Variants in TCEANC2 observed in about 807,000 individuals in gnomAD.
The protein encoded by TCEANC2 is transcription elongation factor A N-terminal and central domain containing 2.
TCEANC2 carries 20 observed loss-of-function variants against 22.8 expected under a neutral mutation model. That is an observed-to-expected ratio of 0.88 (90% confidence interval 0.62 to 1.28). TCEANC2 has a LOEUF of 1.28. Ranked by LOEUF, TCEANC2 falls within the 50% of genes most tolerant of loss-of-function variation. TCEANC2 has a pLI of 0.00. For synonymous variants in TCEANC2, 84 were observed against 95.5 expected (o/e 0.88, Z 0.70); for missense variants, 251 against 249.7 (o/e 1.01, Z -0.03).
intron 3 of TCEANC2, among the ~76,000 whole-genome samples, chr1:54,072,877 T>G (rs1658083811): frequency 6.6e-6 from 1 of 152,380 alleles, no homozygotes; most frequent in African/African-American, 2.4e-5. Flanking sequence ...AAATCTGTTA[T>G]TTATTGTTTC....
chr1:54,056,294 A>ATTCTT (rs199706594), intron 2 of TCEANC2, among the ~76,000 whole-genome samples: 93 of 151,460 alleles, frequency 6.1e-4, no homozygotes, highest in South Asian at 1.5e-3. Flanking sequence ...AAACACCCAT[A>ATTCTT]TTCTTTTCTT....
chr1:54,068,371 A>T (rs1414462358), intron 2 of TCEANC2, among the ~76,000 whole-genome samples: 2 of 152,240 alleles, frequency 1.3e-5, no homozygotes, highest in Non-Finnish European at 2.9e-5. Context: ...GATTGTTGAC[A>T]TAAACATGTC....
chr1:54,095,559 G>A (rs1658529215), intron 4 of TCEANC2, among the ~76,000 whole-genome samples: 1 of 152,176 alleles, frequency 6.6e-6, no homozygotes, highest in African/African-American at 2.4e-5. Context: ...CCTCAAGATG[G>A]CTTGGGCCTG....
At chr1:54,077,576 T>G (rs1570008854) in intron 3 of TCEANC2, among the ~76,000 whole-genome samples, 1 of 152,330 alleles carries the variant, frequency 6.6e-6, no homozygotes, top group East Asian at 1.9e-4. Flanking sequence ...TTTTAAACTG[T>G]TTGTTACCTT....
In TCEANC2 at chr1:54,102,967, G is replaced by A. The variant is rs1020753367; in HGVS notation, c.*6494G>A. The A allele has an allele frequency of 1.3e-5, 2 of 152,458 alleles. No individual in the cohort carries two copies. The highest frequency in any genetic ancestry group is 4.8e-5 in the African/African-American group (2 of 41,464). 9.4% of individuals were successfully genotyped at this position (152,458 alleles called of 1,614,324 possible). ...ATGGATCTCATGGGCAGTGGTGAATGGCTTGGCTGGTTGGTAAGGGGTCTG... is the reference window on the plus strand; with the variant it reads ...ATGGATCTCATGGGCAGTGGTGAATAGCTTGGCTGGTTGGTAAGGGGTCTG... On this transcript the variant is annotated 3_prime_UTR_variant, in exon 5 of 5. Transcript: ENST00000234827.
chr1:54,107,414 C>A (rs1379523825), downstream of TCEANC2, among the ~76,000 whole-genome samples: 1 of 152,054 alleles, frequency 6.6e-6, no homozygotes, highest in Non-Finnish European at 1.5e-5. Flanking sequence ...TTAGTTTTTG[C>A]CAGATTTTCC....
At chr1:54,084,125 G>T (rs1365292763) in intron 3 of TCEANC2, among the ~76,000 whole-genome samples, 1 of 151,784 alleles carries the variant, frequency 6.6e-6, no homozygotes. Context: ...CGATTCTCAT[G>T]CCTCAGCCTC....
chr1:54,109,003 G>C (rs59739781), downstream of TCEANC2, among the ~76,000 whole-genome samples: 21,455 of 151,954 alleles, frequency 0.14, 3,416 homozygotes, highest in African/African-American at 0.39. Context: ...CTGAATACCT[G>C]CCTCCTCTAT....
chr1:54,054,392 A>C lies in TCEANC2; in HGVS notation c.-31A>C, dbSNP rs1172019965. ...TCTTTCTTGACCAGAACACGCTGCA[A>C]GCACGTCAAGGTAGTCGGAGTCCCC... is the stretch of plus-strand genomic sequence containing the variant. On this transcript the variant is annotated 5_prime_UTR_variant, in exon 2 of 5. Coordinates refer to ENST00000234827, the MANE Select transcript of TCEANC2 (RefSeq NM_153035.3). 2 of 1,613,582 alleles carry C rather than the reference A, an allele frequency of 1.2e-6. No individual in the cohort carries two copies. The highest frequency in any genetic ancestry group is 1.7e-6 in the Non-Finnish European group (2 of 1,179,768).
intron 4 of TCEANC2, among the ~76,000 whole-genome samples, chr1:54,093,746 T>C (rs1658489705): frequency 6.6e-6 from 1 of 151,996 alleles, no homozygotes; most frequent in Non-Finnish European, 1.5e-5. Context: ...TTTTTTTTTT[T>C]TTTAATACAG....
rs907553492 is a variant in TCEANC2 at position 54,101,504 on chromosome 1, C to A, written c.*5031C>A. ...GGTTTTTAATGTTGATAAAATCATT[C>A]TTTCAATACATATTTGTTGAGTTCT... On this transcript the variant is annotated 3_prime_UTR_variant, in exon 5 of 5. Coordinates refer to ENST00000234827, the MANE Select transcript of TCEANC2 (RefSeq NM_153035.3). 1.3e-5 allele frequency: 2 copies of A among 152,266 alleles called. No homozygotes were observed. The highest frequency in any genetic ancestry group is 3.9e-4 in the East Asian group (2 of 5,190). 9.4% of individuals were successfully genotyped at this position (152,266 alleles called of 1,614,324 possible). A position where few individuals can be genotyped will look rare whatever the true frequency, so the allele number is the denominator to read the frequency against.
intron 2 of TCEANC2, among the ~76,000 whole-genome samples, chr1:54,059,878 A>G (rs2100354382): frequency 6.6e-6 from 1 of 152,388 alleles, no homozygotes; most frequent in South Asian, 2.1e-4. Context: ...TATGCCCAGC[A>G]CAATGCTAAG....
At chr1:54,108,967 G>A (rs998540163), downstream of TCEANC2, among the ~76,000 whole-genome samples, 20 of 151,612 alleles carry the variant, frequency 1.3e-4, no homozygotes, top group Admixed American at 7.9e-4. Flanking sequence ...GCAAGACTCC[G>A]TCCCAAAAAA....
Position 54,096,168 on chromosome 1 carries a change from G to A in TCEANC2, c.439-117G>A. 1 of 1,398,010 alleles carries A rather than the reference G, an allele frequency of 7.2e-7. No individual in the cohort carries two copies. The highest frequency in any genetic ancestry group is 9.5e-7 in the Non-Finnish European group (1 of 1,055,346). The allele number at this position is 1,398,010 out of a possible 1,614,324, so 86.6% of individuals were successfully genotyped here. On this transcript the variant is annotated intron_variant, in intron 4 of 4. Coordinates refer to ENST00000234827, the MANE Select transcript of TCEANC2 (RefSeq NM_153035.3). This position sits in a 1 kb window ranked among gnomAD's most constrained non-coding sequence, Gnocchi z 4.9. ...CCTGTTTCTCTTGTGACAGGAAGTA[G>A]ATGTCCTTGAATTTCAGTTGATTAA...
rs368488008 is a variant in TCEANC2 at position 54,096,443 on chromosome 1, C to T, written c.597C>T (p.Val199=). The T allele has an allele frequency of 3.1e-6, 5 of 1,612,184 alleles. No homozygotes were observed. The highest frequency in any genetic ancestry group is 4.5e-5 in the East Asian group (2 of 44,814). Residue 199 remains valine (V), a synonymous_variant, in exon 5 of 5, where the codon GTC becomes GTT. Transcript: ENST00000234827. The surrounding 1 kb of genome is among the most constrained non-coding windows in gnomAD (Gnocchi z 4.9). The part of the protein sequence containing the change: ...RAQVKSGSLP[V]GTFVQTHKK ...AGGTGAAGAGCGGCTCGCTGCCAGTCGGCACGTTTGTACAGACCCACAAAA... is the reference window on the plus strand; with the variant it reads ...AGGTGAAGAGCGGCTCGCTGCCAGTTGGCACGTTTGTACAGACCCACAAAA...
At chr1:54,057,133 G>A (rs1557685200) in intron 2 of TCEANC2, among the ~76,000 whole-genome samples, 1 of 150,880 alleles carries the variant, frequency 6.6e-6, no homozygotes, top group East Asian at 1.9e-4. Context: ...TTGTTCTCCT[G>A]TATTAATGTA....
intron 3 of TCEANC2, among the ~76,000 whole-genome samples, chr1:54,088,056 T>A (rs569142562): frequency 6.6e-6 from 1 of 152,308 alleles, no homozygotes; most frequent in Non-Finnish European, 1.5e-5. Context: ...CATTGAACAG[T>A]GGGTTTAGAT....
chr1:54,078,429 C>T (rs1458535814), intron 3 of TCEANC2, among the ~76,000 whole-genome samples: 2 of 152,154 alleles, frequency 1.3e-5, no homozygotes, highest in Admixed American at 1.3e-4. Context: ...CCCTGGACCC[C>T]AGCCATATGT....
rs927274063 is a variant in TCEANC2, at chr1:54,101,118, T to C, written c.*4645T>C. 5.9e-5 allele frequency: 9 copies of C among 152,338 alleles called. No homozygotes were observed. The highest frequency in any genetic ancestry group is 2.2e-4 in the African/African-American group (9 of 41,570). 9.4% of individuals were successfully genotyped at this position (152,338 alleles called of 1,614,324 possible). ...CTTTTTCATTTATAGAATATCAGGTTCTTAAACTTGTGCCTGTCAACCTTG... is the reference window on the plus strand; with the variant it reads ...CTTTTTCATTTATAGAATATCAGGTCCTTAAACTTGTGCCTGTCAACCTTG... On this transcript the variant is annotated 3_prime_UTR_variant, in exon 5 of 5. Coordinates refer to ENST00000234827, the MANE Select transcript of TCEANC2 (RefSeq NM_153035.3).
Sources: gnomAD v4.1 joint callset for allele counts (sites outside exome capture counted in the v4.1 genomes callset) on GRCh38, gnomAD v4.1.1 for gene constraint, Gnocchi (gnomAD v3.1) non-coding constraint, MANE v1.5 for transcripts, NCBI Gene and HGNC (gene_info 2026-07-23, HGNC 2026-07-21) for gene names.